Variants in ITFG2 observed in about 807,000 individuals in gnomAD.
ITFG2 encodes integrin alpha FG-GAP repeat containing 2.
ITFG2 carries 36 observed loss-of-function variants against 54.4 expected under a neutral mutation model. The ratio of observed to expected loss-of-function variants is 0.66; its 90% CI spans 0.51 to 0.87. The LOEUF is 0.87. Among genes scored for constraint, ITFG2 ranks in the 40% least tolerant of loss-of-function variants. The pLI, the probability that ITFG2 is intolerant of heterozygous loss-of-function variation, is 0.00. For synonymous variants in ITFG2, 211 were observed against 225.4 expected (o/e 0.94, Z 0.57); for missense variants, 524 against 576.7 (o/e 0.91, Z 0.94).
intron 2 of ITFG2, among the ~76,000 whole-genome samples, chr12:2,850,249 G>T (rs1052288642): frequency 2.6e-5 from 4 of 152,098 alleles, no homozygotes; most frequent in Non-Finnish European, 4.4e-5. Context: ...GCCGAGGCGG[G>T]TGGATCACAA....
Position 2,850,060 on chromosome 12 carries a change from G to C in ITFG2, n.301-7952G>C, listed in dbSNP as rs1171247643. Among the ~76,000 whole-genome samples the C allele has an allele frequency of 2.6e-5, 4 of 152,146 alleles. No individual in the cohort carries two copies. In the East Asian group the frequency reaches 7.7e-4, roughly 29 times the overall value. On this transcript the variant is annotated intron_variant and non_coding_transcript_variant, in intron 2 of 3. Coordinates refer to the ITFG2 transcript ENST00000537710. ...TTTGCTGTTGTTGGTTTATGCAGGG[G>C]CTCTCAGCCTGGCTGCACATTACAA...
At chr12:2,829,735 C>G (rs1322038874), downstream of ITFG2, among the ~76,000 whole-genome samples, 1 of 151,950 alleles carries the variant, frequency 6.6e-6, no homozygotes, top group Non-Finnish European at 1.5e-5. Context: ...CCACTACACT[C>G]CAGCCTGGGT....
chr12:2,856,490 T>C (rs28919880), intron 2 of ITFG2, among the ~76,000 whole-genome samples: 46,487 of 151,968 alleles, frequency 0.31, 8,222 homozygotes, highest in African/African-American at 0.48. Flanking sequence ...CTCAGCCTCC[T>C]GAGTAGCTGG....
At position 2,850,398 on chromosome 12, in the gene ITFG2, C is replaced by T. The variant is rs1287314406; in HGVS notation, n.301-7614C>T. ...CTGAGGCAGGAGAATCACTTGAACC[C>T]GGGAGGAGGAGGTTGCAAGCAGTGA... On this transcript the variant is annotated intron_variant and non_coding_transcript_variant, in intron 2 of 3. Transcript: ENST00000537710. Among the ~76,000 whole-genome samples, 8 of 145,852 alleles carry T rather than the reference C, an allele frequency of 5.5e-5. No individual in the cohort carries two copies. In the East Asian group the frequency reaches 6.5e-4, roughly 12 times the overall value.
Position 2,818,284 on chromosome 12 carries a change from A to C in ITFG2, c.406+7A>C. ...ATGCTGATCAGCGACATCGGTGGGC[A>C]TGCCTACCTTTGCAGGCAGCCAGGA... On this transcript the variant is annotated splice_region_variant and intron_variant, in intron 4 of 11. Coordinates refer to ENST00000228799, the MANE Select transcript of ITFG2 (RefSeq NM_018463.4). 1 of 1,611,732 alleles carries C rather than the reference A, an allele frequency of 6.2e-7. No homozygotes were observed. Among genetic ancestry groups the C allele is most frequent in the Non-Finnish European group, 8.5e-7 (1 of 1,180,014 alleles).
chr12:2,833,017 C>T (rs535427085), upstream of ITFG2, among the ~76,000 whole-genome samples: 33 of 152,002 alleles, frequency 2.2e-4, no homozygotes, highest in Admixed American at 1.0e-3. Flanking sequence ...AGGCCCCTCC[C>T]GCTGTTGTGC....
At chr12:2,849,621 A>G in intron 2 of ITFG2, 1 of 1,378,588 alleles carries the variant, frequency 7.3e-7, no homozygotes. Context: ...GCCGCTGTCC[A>G]CAAGCTAGTT....
rs1603483389 is a variant in ITFG2 at position 2,824,269 on chromosome 12, C to T, written c.*76C>T. On this transcript the variant is annotated 3_prime_UTR_variant, in exon 12 of 12. Coordinates refer to ENST00000228799, the MANE Select transcript of ITFG2 (RefSeq NM_018463.4). ...CCCCTAAAGGTATCTGTGGTATTGGCAGGATAGGGAATATGCATTACAGAA... is the reference window on the plus strand; with the variant it reads ...CCCCTAAAGGTATCTGTGGTATTGGTAGGATAGGGAATATGCATTACAGAA... The T allele has an allele frequency of 2.1e-6, 3 of 1,416,078 alleles. No individual in the cohort carries two copies. Among genetic ancestry groups the T allele is most frequent in the African/African-American group, 1.4e-5 (1 of 71,090 alleles). 87.7% of individuals were successfully genotyped at this position (1,416,078 alleles called of 1,614,324 possible).
chr12:2,844,771 A>G (rs1757091416), intron 2 of ITFG2, among the ~76,000 whole-genome samples: 1 of 151,948 alleles, frequency 6.6e-6, no homozygotes, highest in Non-Finnish European at 1.5e-5. Flanking sequence ...TCCCCTTCCT[A>G]GTGATACTCA....
At position 2,821,006 on chromosome 12, in the gene ITFG2, C is replaced by T. The variant is rs999634157; in HGVS notation, c.695+134C>T. On this transcript the variant is annotated intron_variant, in intron 6 of 11. Coordinates refer to ENST00000228799, the MANE Select transcript of ITFG2 (RefSeq NM_018463.4). ...CTAGGTCCCAACCCAAGCACCTTTG[C>T]CCCACTGGGGAAGATTACTTTAAGA... is the stretch of plus-strand genomic sequence containing the variant. 52 of 939,164 alleles carry T rather than the reference C, an allele frequency of 5.5e-5. No homozygotes were observed. The African/African-American group carries it at 8.0e-4, about 14-fold the overall frequency. The allele number at this position is 939,164 out of a possible 1,614,324, so 58.2% of individuals were successfully genotyped here.
chr12:2,813,839 G>A (rs1259923556), intron 1 of ITFG2, among the ~76,000 whole-genome samples: 2 of 152,164 alleles, frequency 1.3e-5, no homozygotes, highest in African/African-American at 4.8e-5. Flanking sequence ...GGGGAGGAAA[G>A]AGTTATTCTC....
chr12:2,816,576 G>T (rs1368306724), intron 1 of ITFG2, among the ~76,000 whole-genome samples: 2 of 151,352 alleles, frequency 1.3e-5, no homozygotes, highest in South Asian at 2.1e-4. Context: ...TGATCCGCCC[G>T]CCTTGGCCTT....
At chr12:2,859,338 A>G (rs1388676179) in intron 3 of ITFG2, 2 of 1,613,426 alleles carry the variant, frequency 1.2e-6, no homozygotes, top group African/African-American at 1.3e-5. Flanking sequence ...TTGAATCACA[A>G]GCATTTCCGA....
chr12:2,828,736 G>A (rs143356826), downstream of ITFG2, among the ~76,000 whole-genome samples: 4,398 of 152,214 alleles, frequency 0.029, 197 homozygotes, highest in African/African-American at 0.1. Flanking sequence ...CAGCTACTCG[G>A]GAGGCTGAGG....
At chr12:2,854,830 T>C (rs558134880) in intron 2 of ITFG2, 2 of 1,440,484 alleles carry the variant, frequency 1.4e-6, no homozygotes, top group Admixed American at 2.4e-5. Context: ...AACAGGAACC[T>C]GAGAGAGGGA....
chr12:2,847,486 T>C (rs1257956491), intron 2 of ITFG2, among the ~76,000 whole-genome samples: 2 of 152,068 alleles, frequency 1.3e-5, no homozygotes, highest in Non-Finnish European at 2.9e-5. Flanking sequence ...GCCAACACGG[T>C]GAAACCCCGT....
intron 2 of ITFG2, chr12:2,855,115 G>GT (rs2098083189): frequency 6.5e-7 from 1 of 1,534,096 alleles, no homozygotes; most frequent in South Asian, 1.2e-5. Flanking sequence ...GGGGTGCTCC[G>GT]TGGGGGGGCA....
At chr12:2,820,668 G>A in intron 5 of ITFG2, 56 bp from the exon 6 acceptor site, 1 of 1,137,984 alleles carries the variant, frequency 8.8e-7, no homozygotes, top group Non-Finnish European at 1.2e-6. Flanking sequence ...GCCGTTCTCT[G>A]CAGGGACCCA....
intron 4 of ITFG2, chr12:2,819,814 T>G (rs1603482923): frequency 3.6e-6 from 1 of 278,206 alleles, no homozygotes; most frequent in Admixed American, 5.2e-5. Context: ...TTGTAGGTGG[T>G]GGGAGATACG....
Sources: allele counts gnomAD v4.1 joint callset (sites outside exome capture counted in the v4.1 genomes callset), GRCh38; gene constraint gnomAD v4.1.1; transcripts MANE v1.5; gene names NCBI Gene and HGNC (gene_info 2026-07-23, HGNC 2026-07-21).